Variants in SHB observed in about 807,000 individuals in gnomAD.
SHB encodes SH2 domain-containing adapter protein B.
Under a neutral mutation model 52.3 loss-of-function variants are expected in SHB, and 20 were observed. That is an observed-to-expected ratio of 0.38 (90% CI 0.27 to 0.56). The LOEUF is 0.56. Among genes scored for constraint, SHB ranks in the 20% least tolerant of loss-of-function variants. The pLI, the probability that SHB is intolerant of heterozygous loss-of-function variation, is 0.71. For synonymous variants in SHB, 397 were observed against 316.5 expected, an observed-to-expected ratio of 1.25 and a Z score of -2.70; for missense variants, 825 against 723.3, an observed-to-expected ratio of 1.14 and a Z score of -1.61.
chr9:38,060,772 A>G (rs1821882134), intron 1 of SHB, among the ~76,000 whole-genome samples: 1 of 152,224 alleles, frequency 6.6e-6, no homozygotes, highest in South Asian at 2.1e-4. Flanking sequence ...CCCTGCCCAG[A>G]ACAGTCTCTG....
At chr9:38,057,836 A>G (rs1821840494) in intron 1 of SHB, among the ~76,000 whole-genome samples, 1 of 152,186 alleles carries the variant, frequency 6.6e-6, no homozygotes, top group South Asian at 2.1e-4. Context: ...CCACAATATA[A>G]GGGACCACTT....
intron 2 of SHB, among the ~76,000 whole-genome samples, chr9:37,991,504 C>G (rs1409583812): frequency 3.9e-5 from 6 of 152,146 alleles, no homozygotes; most frequent in Admixed American, 6.6e-5. Flanking sequence ...GTTTTCAACT[C>G]CAAGATGTAC....
At chr9:38,054,818 G>A (rs1201232883) in intron 1 of SHB, among the ~76,000 whole-genome samples, 1 of 152,156 alleles carries the variant, frequency 6.6e-6, no homozygotes, top group Non-Finnish European at 1.5e-5. Context: ...CAAAAAGCTA[G>A]AGTAAACATT....
rs1336959888 is a variant in SHB at position 37,916,403 on chromosome 9, G to C, written c.*3418C>G. 6.6e-6 allele frequency among the ~76,000 whole-genome samples: 1 copy of C among 152,242 alleles called. No homozygotes were observed. Among genetic ancestry groups the C allele is most frequent in the Non-Finnish European group, 1.5e-5 (1 of 68,046 alleles). ...GCTGCCGGTCCTTGCCAGGCCCTTG[G>C]TCAATGATATCACCACTTCTGAGAC... is the stretch of plus-strand genomic sequence containing the variant. On this transcript the variant is annotated 3_prime_UTR_variant, in exon 6 of 6. Transcript: ENST00000377707.
chr9:38,065,421 G>A (rs1821949093), intron 1 of SHB, among the ~76,000 whole-genome samples: 1 of 152,128 alleles, frequency 6.6e-6, no homozygotes, highest in Admixed American at 6.5e-5. Context: ...TTCAAACCAT[G>A]GTCCCAGGAC....
At chr9:38,009,649 C>T (rs892955167) in intron 2 of SHB, among the ~76,000 whole-genome samples, 1 of 152,214 alleles carries the variant, frequency 6.6e-6, no homozygotes, top group African/African-American at 2.4e-5. Context: ...GAGCATGTTG[C>T]CACTAGAAGA....
intron 3 of SHB, among the ~76,000 whole-genome samples, chr9:37,958,741 C>T (rs1364180530): frequency 9.2e-5 from 14 of 152,208 alleles, no homozygotes; most frequent in African/African-American, 7.2e-5. Context: ...CTAGCACACA[C>T]ATCACCACCA....
At chr9:38,029,268 G>A (rs1488800168) in intron 1 of SHB, among the ~76,000 whole-genome samples, 3 of 152,132 alleles carry the variant, frequency 2.0e-5, no homozygotes, top group Non-Finnish European at 4.4e-5. Context: ...GGTCTATGGG[G>A]CCATTTCTCT....
intron 1 of SHB, among the ~76,000 whole-genome samples, chr9:38,033,999 G>T (rs974914439): frequency 6.6e-6 from 1 of 152,186 alleles, no homozygotes; most frequent in South Asian, 2.1e-4. Flanking sequence ...GAATGAGCTC[G>T]GGTAATAACG....
At chr9:38,047,730 G>A (rs1449828395) in intron 1 of SHB, among the ~76,000 whole-genome samples, 1 of 152,262 alleles carries the variant, frequency 6.6e-6, no homozygotes, top group Non-Finnish European at 1.5e-5. Flanking sequence ...AATAGCGCCA[G>A]TAAATCCCTC....
chr9:38,059,001 T>C (rs1821857388), intron 1 of SHB, among the ~76,000 whole-genome samples: 1 of 152,230 alleles, frequency 6.6e-6, no homozygotes, highest in Non-Finnish European at 1.5e-5. Context: ...TTGACTCCTG[T>C]CATGAGAGAG....
intron 5 of SHB, among the ~76,000 whole-genome samples, chr9:37,947,143 T>A (rs761239622): frequency 1.3e-4 from 20 of 152,156 alleles, no homozygotes; most frequent in Non-Finnish European, 2.2e-4. Flanking sequence ...CTTTCAGCCA[T>A]CAGGTCTGAT....
intron 5 of SHB, among the ~76,000 whole-genome samples, chr9:37,936,040 T>TAAAAAAA (rs1223430103): frequency 2.6e-3 from 323 of 122,596 alleles, no homozygotes; most frequent in African/African-American, 9.2e-3. Flanking sequence ...CCGTCTCTAC[T>TAAAAAAA]AAAAAAAAAA....
chr9:37,963,368 C>G (rs75099661), intron 3 of SHB, among the ~76,000 whole-genome samples: 3,078 of 152,270 alleles, frequency 0.02, 59 homozygotes, highest in East Asian at 0.089. Context: ...AAACAAGGCA[C>G]CGTGTGTAGA....
chr9:37,926,445 G>A (rs979965460), intron 5 of SHB, among the ~76,000 whole-genome samples: 11 of 152,180 alleles, frequency 7.2e-5, no homozygotes, highest in African/African-American at 2.4e-4. Context: ...GCTGCCAAGA[G>A]CTCTATGTAC....
At chr9:38,039,302 T>C (rs1423335004) in intron 1 of SHB, among the ~76,000 whole-genome samples, 1 of 152,208 alleles carries the variant, frequency 6.6e-6, no homozygotes, top group African/African-American at 2.4e-5. Context: ...ACTGACAAAA[T>C]GGGCTCTTTT....
At chr9:37,924,226 A>C (rs1318558266) in intron 5 of SHB, among the ~76,000 whole-genome samples, 1 of 152,178 alleles carries the variant, frequency 6.6e-6, no homozygotes, top group Non-Finnish European at 1.5e-5. Context: ...GCACCTCCTC[A>C]TCATCAGGAT....
chr9:37,994,984 G>T (rs924998723), intron 2 of SHB, among the ~76,000 whole-genome samples: 3 of 152,126 alleles, frequency 2.0e-5, no homozygotes, highest in Non-Finnish European at 4.4e-5. Context: ...CTTAATATCT[G>T]GAACTGAAAC....
At chr9:37,977,783 G>T (rs1820673097) in intron 2 of SHB, among the ~76,000 whole-genome samples, 1 of 152,206 alleles carries the variant, frequency 6.6e-6, no homozygotes, top group South Asian at 2.1e-4. Context: ...GGGGGCTGAG[G>T]ATACGGCAGC....
Sources: gnomAD v4.1 joint callset for allele counts (sites outside exome capture counted in the v4.1 genomes callset) on GRCh38, gnomAD v4.1.1 for gene constraint, MANE v1.5 for transcripts, NCBI Gene and HGNC (gene_info 2026-07-23, HGNC 2026-07-21) for gene names.